The following CD9 variants were observed in gnomAD, a reference collection of about 807,000 sequenced individuals.
CD9 encodes CD9 molecule, also known as CD9 antigen.
CD9 carries 10 observed loss-of-function variants against 31.4 expected under a neutral mutation model. The ratio of observed to expected loss-of-function variants is 0.32; its 90% CI spans 0.20 to 0.54. CD9 has a LOEUF of 0.54. CD9 is among the 20% of genes least tolerant of loss of function. The probability of loss-of-function intolerance (pLI) is 0.94; values close to 1 mark genes in which losing one functional copy is unlikely to be tolerated. For synonymous variants in CD9, 113 were observed against 114.1 expected (o/e 0.99, Z 0.06); for missense variants, 259 against 300.1 (o/e 0.86, Z 1.01).
intron 7 of CD9, chr12:6,236,618 C>A (rs3181301): frequency 0.49 from 206,089 of 420,900 alleles, 51,294 homozygotes; most frequent in Middle Eastern, 0.63. Context: ...CTAAGAAAGT[C>A]GTTCACTAGA....
intron 1 of CD9, among the ~76,000 whole-genome samples, chr12:6,204,293 C>T (rs1946106478): frequency 6.6e-6 from 1 of 152,130 alleles, no homozygotes; most frequent in East Asian, 1.9e-4. Flanking sequence ...ATATTGGGTA[C>T]GATGTATACT....
At position 6,238,006 on chromosome 12, in the gene CD9, T is replaced by C. The variant is rs971523797; in HGVS notation, c.*178T>C. On this transcript the variant is annotated 3_prime_UTR_variant, in exon 8 of 8. Transcript: ENST00000009180. ...TTTATGTTTGTCTTTTAATGCTTCA[T>C]TCAATATTGACATTTGTAGTTGAGC... The C allele has an allele frequency of 7.5e-6, 4 of 535,242 alleles. No individual in the cohort carries two copies. Among genetic ancestry groups the C allele is most frequent in the Non-Finnish European group, 1.3e-5 (4 of 296,478 alleles). The allele number at this position is 535,242 out of a possible 1,614,324, so 33.2% of individuals were successfully genotyped here.
intron 1 of CD9, among the ~76,000 whole-genome samples, chr12:6,212,876 G>T (rs1038475293): frequency 3.9e-5 from 6 of 152,096 alleles, no homozygotes; most frequent in Non-Finnish European, 8.8e-5. Flanking sequence ...CTGCCCTTAT[G>T]GTATAAAAGA....
intron 1 of CD9, among the ~76,000 whole-genome samples, chr12:6,209,958 T>G (rs1040814980): frequency 6.6e-6 from 1 of 152,214 alleles, no homozygotes; most frequent in Non-Finnish European, 1.5e-5. Context: ...GTGCTGGGAT[T>G]ACAGGCGTGA....
chr12:6,233,499 C>T lies in CD9; in HGVS notation c.348+13C>T. The T allele has an allele frequency of 6.2e-7, 1 of 1,602,968 alleles. No individual in the cohort carries two copies. Among genetic ancestry groups the T allele is most frequent in the Non-Finnish European group, 8.5e-7 (1 of 1,169,866 alleles). On this transcript the variant is annotated intron_variant, in intron 4 of 7. Coordinates refer to ENST00000009180, the MANE Select transcript of CD9 (RefSeq NM_001769.4). ...CCACAAGGATGAGGTAGGTTTTTCC[C>T]ATGAGATCTCTTGGGTTTGGGAGTT...
At chr12:6,200,269 G>C, upstream of CD9, 1 of 239,160 alleles carries the variant, frequency 4.2e-6, no homozygotes, top group East Asian at 8.0e-5. Context: ...CGGCCCGGGC[G>C]GGGCCGGTGG....
At chr12:6,204,111 A>C (rs1946103711) in intron 1 of CD9, among the ~76,000 whole-genome samples, 1 of 152,162 alleles carries the variant, frequency 6.6e-6, no homozygotes, top group African/African-American at 2.4e-5. Context: ...TCACTTTGAA[A>C]CCTTGGGTTG....
chr12:6,237,774 G>T lies in CD9; in HGVS notation c.633G>T (p.Met211Ile). 6.2e-7 allele frequency: 1 copy of T among 1,612,900 alleles called. No individual in the cohort carries two copies. Among genetic ancestry groups the T allele is most frequent in the Non-Finnish European group, 8.5e-7 (1 of 1,179,038 alleles). ...TTCCTATCTCCTAGATATTTGGCAT[G>T]ATCTTCAGTATGATCTTGTGCTGTG... ...IGIAVVMIFG[M>I]IFSMILCCAI... Residue 211 changes from methionine to isoleucine, a missense_variant, in exon 8 of 8, where the codon ATG (methionine) becomes ATT (isoleucine). Physicochemically the swap from Met to Ile is conservative, Grantham distance 10. Coordinates refer to ENST00000009180, the MANE Select transcript of CD9 (RefSeq NM_001769.4).
intron 1 of CD9, among the ~76,000 whole-genome samples, chr12:6,202,689 C>T (rs1424491499): frequency 6.6e-6 from 1 of 152,204 alleles, no homozygotes; most frequent in Non-Finnish European, 1.5e-5. Flanking sequence ...CACTCGTATT[C>T]AGAACCCCCT....
chr12:6,227,915 A>T (rs1384479351), intron 2 of CD9, among the ~76,000 whole-genome samples: 2 of 152,220 alleles, frequency 1.3e-5, no homozygotes, highest in African/African-American at 4.8e-5. Context: ...GCAGGGTGGC[A>T]GGAGAATGGT....
chr12:6,206,302 C>T (rs1014279755), intron 1 of CD9, among the ~76,000 whole-genome samples: 1 of 151,852 alleles, frequency 6.6e-6, no homozygotes, highest in African/African-American at 2.4e-5. Flanking sequence ...TGGCTCACTG[C>T]AAACTCAACC....
chr12:6,219,935 A>G (rs1359015036), intron 1 of CD9, among the ~76,000 whole-genome samples: 1 of 152,228 alleles, frequency 6.6e-6, no homozygotes, highest in Non-Finnish European at 1.5e-5. Context: ...TCATTCATTT[A>G]TGGAGTAATT....
intron 2 of CD9, chr12:6,226,504 A>C (rs1022738443): frequency 6.6e-6 from 1 of 152,186 alleles, no homozygotes; most frequent in African/African-American, 2.4e-5. Context: ...GGGAGAAAAC[A>C]GTTATCTCCC....
At chr12:6,205,705 A>G (rs1190970149) in intron 1 of CD9, among the ~76,000 whole-genome samples, 1 of 152,182 alleles carries the variant, frequency 6.6e-6, no homozygotes, top group Non-Finnish European at 1.5e-5. Flanking sequence ...TGGGTTTGGA[A>G]CTTAATAATA....
At chr12:6,214,047 T>C (rs1295794492) in intron 1 of CD9, among the ~76,000 whole-genome samples, 1 of 152,116 alleles carries the variant, frequency 6.6e-6, no homozygotes, top group Non-Finnish European at 1.5e-5. Context: ...CCCTGGCCAG[T>C]GAGGAAGCAC....
intron 1 of CD9, among the ~76,000 whole-genome samples, chr12:6,223,435 G>GT (rs1946319076): frequency 6.6e-6 from 1 of 152,062 alleles, no homozygotes; most frequent in African/African-American, 2.4e-5. Context: ...AGAATTTTTT[G>GT]TATTTTTAGT....
At chr12:6,204,823 T>TAAA (rs920968518) in intron 1 of CD9, among the ~76,000 whole-genome samples, 41 of 152,216 alleles carry the variant, frequency 2.7e-4, no homozygotes, top group African/African-American at 9.6e-4. Flanking sequence ...TGTGGAAGTC[T>TAAA]AAACCGCAGA....
At chr12:6,223,905 C>T (rs1380133472) in intron 1 of CD9, among the ~76,000 whole-genome samples, 3 of 152,200 alleles carry the variant, frequency 2.0e-5, no homozygotes, top group Non-Finnish European at 4.4e-5. Flanking sequence ...GAAAGAAAAT[C>T]AGACTCGTCT....
upstream of CD9, chr12:6,200,356 TA>T: frequency 3.9e-6 from 2 of 507,288 alleles, no homozygotes; most frequent in South Asian, 5.3e-5. Flanking sequence ...TCGCGCGCCC[TA>T]AGGAGTGGCA....
Sources: allele counts gnomAD v4.1 joint callset (sites outside exome capture counted in the v4.1 genomes callset), GRCh38; gene constraint gnomAD v4.1.1; transcripts MANE v1.5; gene names NCBI Gene and HGNC (gene_info 2026-07-23, HGNC 2026-07-21).